STX11: variants seen among roughly 807,000 people sequenced by gnomAD.
The protein encoded by STX11 is syntaxin-11.
A neutral mutation model predicts 19.9 loss-of-function variants in STX11; 21 were observed. The observed-to-expected ratio is 1.06, with a 90% confidence interval of 0.75 to 1.52. The LOEUF (loss-of-function observed/expected upper bound fraction) is 1.52, where lower values mean the gene tolerates loss of function less well. STX11 is among the 40% of genes most tolerant of loss of function. The pLI, the probability that STX11 is intolerant of heterozygous loss-of-function variation, is 0.00. For synonymous variants in STX11, 193 were observed against 174.4 expected, an observed-to-expected ratio of 1.11 and a Z score of -0.84; for missense variants, 438 against 405.9, an observed-to-expected ratio of 1.08 and a Z score of -0.68.
At position 144,188,073 on chromosome 6, in the gene STX11, C is replaced by G. The variant is rs955609151; in HGVS notation, c.*582C>G. ...CTACTTATTAAAATCACACCAAACA[C>G]TTACTATTTTCTTATCTCTTTCACT... On this transcript the variant is annotated 3_prime_UTR_variant, in exon 2 of 2. Transcript: ENST00000367568. 4.1e-6 allele frequency: 1 copy of G among 243,444 alleles called. No homozygotes were observed. The highest frequency in any genetic ancestry group is 8.7e-6 in the Non-Finnish European group (1 of 115,574). 15.1% of individuals were successfully genotyped at this position (243,444 alleles called of 1,614,324 possible).
chr6:144,187,134 C>T lies in STX11; in HGVS notation c.507C>T (p.Gly169=). The change falls in exon 2 of 2, where the codon GGC becomes GGT. Residue 169 remains glycine, a synonymous_variant. Transcript: ENST00000367568. This position sits in a 1 kb window ranked among gnomAD's most constrained non-coding sequence, Gnocchi z 5.6. ...IRIQRQLEIM[G]KEVSGDQIED... is the part of the protein sequence containing the mutation. ...TCCAGCGCCAGCTGGAGATCATGGG[C>T]AAGGAAGTCTCGGGCGACCAGATCG... 6.2e-7 allele frequency: 1 copy of T among 1,614,010 alleles called. No individual in the cohort carries two copies.
At chr6:144,142,446 C>T in the STX11 span, among the ~76,000 whole-genome samples, 12 of 152,014 alleles carry the variant, frequency 7.9e-5, no homozygotes, top group Non-Finnish European at 4.4e-5. Flanking sequence ...TTATTACATA[C>T]TGAAATATTT....
the STX11 span, among the ~76,000 whole-genome samples, chr6:144,145,379 G>A: frequency 6.6e-6 from 1 of 152,164 alleles, no homozygotes; most frequent in Non-Finnish European, 1.5e-5. Flanking sequence ...AAGTAAAATG[G>A]TGGAATCTAG....
the STX11 span, among the ~76,000 whole-genome samples, chr6:144,142,837 T>C: frequency 6.6e-6 from 1 of 152,208 alleles, no homozygotes; most frequent in Non-Finnish European, 1.5e-5. Flanking sequence ...AGTTCTATTG[T>C]TCCATTGTTG....
At chr6:144,163,433 G>T (rs1801396341) in intron 1 of STX11, among the ~76,000 whole-genome samples, 1 of 151,816 alleles carries the variant, frequency 6.6e-6, no homozygotes, top group Admixed American at 6.6e-5. Context: ...CTTAGCCCAT[G>T]GTGAGACACC....
In STX11 at chr6:144,175,210, T is replaced by A. The variant is rs1361553283; in HGVS notation, c.-5-11413T>A. Among the ~76,000 whole-genome samples the A allele has an allele frequency of 6.6e-6, 1 of 150,896 alleles. No individual in the cohort carries two copies. The highest frequency in any genetic ancestry group is 1.5e-5 in the Non-Finnish European group (1 of 67,616). On this transcript the variant is annotated intron_variant, in intron 1 of 1. Coordinates refer to ENST00000367568, the MANE Select transcript of STX11 (RefSeq NM_003764.4). The surrounding 1 kb of genome is among the most constrained non-coding windows in gnomAD (Gnocchi z 5.1). ...GTGAGCCATGATTGTGCCACTGTACTCCAGCCTGGGCAACAGAGCGAGACC... is the reference window on the plus strand; with the variant it reads ...GTGAGCCATGATTGTGCCACTGTACACCAGCCTGGGCAACAGAGCGAGACC...
Position 144,151,286 on chromosome 6 carries a change from G to C in STX11, c.-6+583G>C. On this transcript the variant is annotated intron_variant, in intron 1 of 1. Transcript: ENST00000367568. This position sits in a 1 kb window ranked among gnomAD's most constrained non-coding sequence, Gnocchi z 4.6. ...GCCTGCGAGAGCCACGCCGTCCTGA[G>C]AGGGAATTCTGCCTTTTTCTAGACT... 1 of 985,434 alleles carries C rather than the reference G, an allele frequency of 1.0e-6. No homozygotes were observed. Among genetic ancestry groups the C allele is most frequent in the Non-Finnish European group, 1.2e-6 (1 of 829,928 alleles). 61.0% of individuals were successfully genotyped at this position (985,434 alleles called of 1,614,324 possible).
At chr6:144,140,648 G>C in the STX11 span, 1 of 597,360 alleles carries the variant, frequency 1.7e-6, no homozygotes, top group African/African-American at 2.0e-5. Context: ...AGCAGGCTGT[G>C]GTCTGTGAAC....
In STX11 at chr6:144,162,132, G is replaced by GGA. The variant is rs1475941072; in HGVS notation, c.-6+11430_-6+11431dup. 6.6e-6 allele frequency among the ~76,000 whole-genome samples: 1 copy of GGA among 152,142 alleles called. No homozygotes were observed. The highest frequency in any genetic ancestry group is 1.5e-5 in the Non-Finnish European group (1 of 68,022). The stretch of plus-strand genomic sequence containing the variant: ...CATCTGTCTACTCTTCTGCCAGGGT[G>GGA]GAACAGAGGATGGAGGGCCCTCCCA... On this transcript the variant is annotated intron_variant, in intron 1 of 1. Transcript: ENST00000367568. This position sits in a 1 kb window ranked among gnomAD's most constrained non-coding sequence, Gnocchi z 4.6.
Position 144,159,181 on chromosome 6 carries a change from T to C in STX11, c.-6+8478T>C, listed in dbSNP as rs889054679. Among the ~76,000 whole-genome samples, 5 of 152,210 alleles carry C rather than the reference T, an allele frequency of 3.3e-5. No individual in the cohort carries two copies. The highest frequency in any genetic ancestry group is 4.4e-5 in the Non-Finnish European group (3 of 68,032). ...TGAGCGTATTTATTCAACAACTATT[T>C]ATCGAGGCTTTCCTATATGCCGGGT... is the stretch of plus-strand genomic sequence containing the variant. On this transcript the variant is annotated intron_variant, in intron 1 of 1. Coordinates refer to ENST00000367568, the MANE Select transcript of STX11 (RefSeq NM_003764.4). This position sits in a 1 kb window ranked among gnomAD's most constrained non-coding sequence, Gnocchi z 4.3.
Position 144,170,203 on chromosome 6 carries a change from T to G in STX11, c.-5-16420T>G, listed in dbSNP as rs1365391607. Among the ~76,000 whole-genome samples, 5 of 152,228 alleles carry G rather than the reference T, an allele frequency of 3.3e-5. No homozygotes were observed. The highest frequency in any genetic ancestry group is 4.4e-5 in the Non-Finnish European group (3 of 68,044). On this transcript the variant is annotated intron_variant, in intron 1 of 1. Coordinates refer to ENST00000367568, the MANE Select transcript of STX11 (RefSeq NM_003764.4). This position sits in a 1 kb window ranked among gnomAD's most constrained non-coding sequence, Gnocchi z 4.7. The stretch of plus-strand genomic sequence containing the variant: ...AGTATCTGCAGGCCTTTTTGAAATT[T>G]TCAAAAATGTCAGAGCAGAGTATAA...
chr6:144,150,836 T>G (rs1265543107), intron 1 of STX11, 133 bp downstream of exon 1: 1 of 694,816 alleles, frequency 1.4e-6, no homozygotes, highest in African/African-American at 1.9e-5. Flanking sequence ...TTAGGTGGGA[T>G]TTTGGATCTG....
At chr6:144,145,284 T>C in the STX11 span, among the ~76,000 whole-genome samples, 1 of 152,202 alleles carries the variant, frequency 6.6e-6, no homozygotes, top group Non-Finnish European at 1.5e-5. Flanking sequence ...TAATGCCAAG[T>C]GAAATAAGCT....
At position 144,172,158 on chromosome 6, in the gene STX11, A is replaced by G. The variant is rs982411074; in HGVS notation, c.-5-14465A>G. On this transcript the variant is annotated intron_variant, in intron 1 of 1. Transcript: ENST00000367568. This position sits in a 1 kb window ranked among gnomAD's most constrained non-coding sequence, Gnocchi z 4.2. ...AGGTGTATCAGGTAGCTTTGTCAGT[A>G]TAACAAGCCACCCCCAAATAACAAT... is the stretch of plus-strand genomic sequence containing the variant. 6.6e-6 allele frequency among the ~76,000 whole-genome samples: 1 copy of G among 152,212 alleles called. No homozygotes were observed. Among genetic ancestry groups the G allele is most frequent in the African/African-American group, 2.4e-5 (1 of 41,462 alleles).
chr6:144,141,747 T>C, the STX11 span, among the ~76,000 whole-genome samples: 2 of 152,046 alleles, frequency 1.3e-5, no homozygotes, highest in African/African-American at 4.8e-5. Context: ...TGTGCAATAA[T>C]GGCTCACTGC....
chr6:144,147,790 C>T (rs969685678), upstream of STX11, among the ~76,000 whole-genome samples: 18 of 152,126 alleles, frequency 1.2e-4, no homozygotes, highest in Non-Finnish European at 2.9e-5. This position sits in a 1 kb window ranked among gnomAD's most constrained non-coding sequence, Gnocchi z 4.2. Flanking sequence ...CCTGTTAACC[C>T]AGCACTTTGG....
upstream of STX11, among the ~76,000 whole-genome samples, chr6:144,148,641 T>C (rs2128744992): frequency 6.6e-6 from 1 of 152,332 alleles, no homozygotes; most frequent in East Asian, 1.9e-4. Context: ...TAGATTTCCT[T>C]AGTTTTTCCC....
intron 1 of STX11, among the ~76,000 whole-genome samples, chr6:144,156,541 T>C (rs1214663541): frequency 6.6e-6 from 1 of 152,248 alleles, no homozygotes; most frequent in Non-Finnish European, 1.5e-5. Flanking sequence ...TTTCAGCTTT[T>C]CAGAATAGTG....
Position 144,172,525 on chromosome 6 carries a change from A to G in STX11, c.-5-14098A>G, listed in dbSNP as rs1801667162. 6.6e-6 allele frequency among the ~76,000 whole-genome samples: 1 copy of G among 152,152 alleles called. No individual in the cohort carries two copies. Among genetic ancestry groups the G allele is most frequent in the Non-Finnish European group, 1.5e-5 (1 of 68,016 alleles). ...GCCAAGGGTAGAGAAACTGATTCAA[A>G]GGGTAGAGAGACCGACACCACTTCT... On this transcript the variant is annotated intron_variant, in intron 1 of 1. Transcript: ENST00000367568. The surrounding 1 kb of genome is among the most constrained non-coding windows in gnomAD (Gnocchi z 4.2).
Sources: allele counts gnomAD v4.1 joint callset (sites outside exome capture counted in the v4.1 genomes callset), GRCh38; gene constraint gnomAD v4.1.1; non-coding constraint Gnocchi (gnomAD v3.1); transcripts MANE v1.5; gene names NCBI Gene and HGNC (gene_info 2026-07-23, HGNC 2026-07-21).